The following HEXA variants were observed in gnomAD, a reference collection of about 807,000 sequenced individuals.
HEXA encodes beta-hexosaminidase subunit alpha.
Under a neutral mutation model 73.3 loss-of-function variants are expected in HEXA, and 54 were observed. The observed-to-expected ratio is 0.74, with a 90% CI of 0.59 to 0.92. The LOEUF is 0.92. Among genes scored for constraint, HEXA ranks in the 40% least tolerant of loss-of-function variants. The pLI is 0.00. For synonymous variants in HEXA, 230 were observed against 246.9 expected (o/e 0.93, Z 0.64); for missense variants, 649 against 653.0 (o/e 0.99, Z 0.07).
intron 1 of HEXA, among the ~76,000 whole-genome samples, chr15:72,364,802 T>A (rs796944118): frequency 5.7e-4 from 86 of 152,026 alleles, no homozygotes; most frequent in African/African-American, 2.0e-3. Context: ...TGTATTTCTT[T>A]TTAAGTTTTA....
intron 1 of HEXA, among the ~76,000 whole-genome samples, chr15:72,364,966 C>T (rs561699079): frequency 3.3e-4 from 50 of 151,972 alleles, no homozygotes; most frequent in African/African-American, 8.2e-4. Context: ...AGACTACAAG[C>T]GTGCACCAGC....
At chr15:72,350,700 G>C in intron 6 of HEXA, 50 bp from the exon 7 acceptor site, 2 of 1,611,564 alleles carry the variant, frequency 1.2e-6, no homozygotes, top group South Asian at 1.1e-5. Context: ...AAAGCTAGCA[G>C]AGTAGAAGAT....
In HEXA at chr15:72,375,777, G is replaced by A. The variant is rs1057516957; in HGVS notation, c.196C>T (p.Gln66Ter). 1 of 1,614,246 alleles carries A rather than the reference G, an allele frequency of 6.2e-7. No individual in the cohort carries two copies. The highest frequency in any genetic ancestry group is 8.5e-7 in the Non-Finnish European group (1 of 1,180,038). The change falls in exon 1 of 14, where the codon CAG (glutamine) becomes TAG (stop). Residue 66 changes from glutamine to a stop codon, truncating the protein, a stop_gained. Transcript: ENST00000268097. LOFTEE classifies it high-confidence loss of function. Reference sequence around the variant, plus strand: ...CCGAAAAGCAGGTCACGATAGCGCTGGAAGGCCTCGTCGAGGACTGAGCAG... The same window carrying A: ...CCGAAAAGCAGGTCACGATAGCGCTAGAAGGCCTCGTCGAGGACTGAGCAG... ...PGCSVLDEAFQRYRDLLFGSG... is the reference protein window; with the variant it reads ...PGCSVLDEAF
intron 8 of HEXA, among the ~76,000 whole-genome samples, chr15:72,348,629 G>A (rs535412758): frequency 9.9e-5 from 15 of 152,242 alleles, no homozygotes; most frequent in African/African-American, 3.1e-4. Flanking sequence ...CAGCTCTAGC[G>A]CCCTCTTCTC....
At chr15:72,370,060 T>C (rs2140339488) in intron 1 of HEXA, 1 of 151,048 alleles carries the variant, frequency 6.6e-6, no homozygotes, top group South Asian at 2.1e-4. Context: ...ACTATTTTCT[T>C]GTTATCCTCG....
intron 1 of HEXA, among the ~76,000 whole-genome samples, chr15:72,365,082 G>A (rs2088898589): frequency 6.6e-6 from 1 of 150,588 alleles, no homozygotes. Flanking sequence ...GCATTTACTA[G>A]CCAAATTTTT....
At chr15:72,374,681 T>C (rs1039951074) in intron 1 of HEXA, among the ~76,000 whole-genome samples, 1 of 152,236 alleles carries the variant, frequency 6.6e-6, no homozygotes, top group Non-Finnish European at 1.5e-5. Flanking sequence ...TGTATTCCTT[T>C]ACATTGTTGG....
rs758066266 is a variant in HEXA, at chr15:72,346,317, C to T, written c.1339G>A (p.Glu447Lys). 21 of 1,613,614 alleles carry T rather than the reference C, an allele frequency of 1.3e-5. No individual in the cohort carries two copies. The highest frequency in any genetic ancestry group is 1.7e-5 in the Non-Finnish European group (20 of 1,179,704). The change falls in exon 12 of 14, where the codon GAG becomes AAG. Residue 447 changes from glutamate to lysine, a missense_variant. Coordinates refer to ENST00000268097, the MANE Select transcript of HEXA (RefSeq NM_000520.6). ...VEPLAFEGTP[E>K]QKALVIGGEA... ...CCACCAATCACCAGAGCCTTCTGCT[C>T]AGGGGTACCTGAGGGAAAACAAGCA...
Position 72,343,994 on chromosome 15 carries a change from C to T in HEXA, c.*83G>A. 1 of 1,208,012 alleles carries T rather than the reference C, an allele frequency of 8.3e-7. No homozygotes were observed. The highest frequency in any genetic ancestry group is 1.2e-6 in the Non-Finnish European group (1 of 813,468). 74.8% of individuals were successfully genotyped at this position (1,208,012 alleles called of 1,614,324 possible). ...AGGCAAGGGGCACGAAGGCAAGGGG[C>T]TCCGTCCCCTGGCCAGGATGCAGTG... On this transcript the variant is annotated 3_prime_UTR_variant, in exon 14 of 14. Coordinates refer to ENST00000268097, the MANE Select transcript of HEXA (RefSeq NM_000520.6).
intron 1 of HEXA, among the ~76,000 whole-genome samples, chr15:72,369,600 C>T (rs1233797220): frequency 1.3e-5 from 2 of 152,156 alleles, no homozygotes; most frequent in Non-Finnish European, 2.9e-5. Flanking sequence ...TGCAATGACA[C>T]GATCTCAGCT....
intron 5 of HEXA, 113 bp downstream of exon 5, chr15:72,352,955 C>T: frequency 1.4e-6 from 1 of 730,506 alleles, no homozygotes; most frequent in Non-Finnish European, 2.5e-6. Flanking sequence ...TGAGCCACCA[C>T]ACCCAGTCCA....
chr15:72,358,798 C>T (rs956135758), intron 1 of HEXA: 1 of 152,300 alleles, frequency 6.6e-6, no homozygotes. Flanking sequence ...GCTGGCAAAA[C>T]AGGAGGGACA....
chr15:72,345,841 G>C, intron 12 of HEXA: 1 of 532,596 alleles, frequency 1.9e-6, no homozygotes, highest in Non-Finnish European at 3.4e-6. Flanking sequence ...AGTGGCAGCA[G>C]CAGAGGTCCT....
chr15:72,352,595 T>C (rs1377657335), intron 5 of HEXA, among the ~76,000 whole-genome samples: 1 of 152,158 alleles, frequency 6.6e-6, no homozygotes, highest in African/African-American at 2.4e-5. Context: ...TAAGTCACTC[T>C]GTTATTTTTT....
rs1007888504 is a variant in HEXA, at chr15:72,341,232, C to G, written c.*2845G>C. The G allele has an allele frequency of 6.6e-6, 1 of 152,210 alleles. No individual in the cohort carries two copies. The highest frequency in any genetic ancestry group is 2.4e-5 in the African/African-American group (1 of 41,438). 9.4% of individuals were successfully genotyped at this position (152,210 alleles called of 1,614,324 possible). ...TCAGCTTTCCTCACAGTCTCACTGT[C>G]CCAGAAGTCTAGGGGCAATGACTCT... On this transcript the variant is annotated 3_prime_UTR_variant, in exon 14 of 14. Transcript: ENST00000268097.
In HEXA at chr15:72,346,222, C is replaced by A. The variant is rs375201437; in HGVS notation, c.1421+13G>T. 5 of 1,608,554 alleles carry A rather than the reference C, an allele frequency of 3.1e-6. No homozygotes were observed. The highest frequency in any genetic ancestry group is 1.7e-5 in the Admixed American group (1 of 59,872). ...CAGGCCCAACCCTCCACCTCCCCCC[C>A]GAAAACCCTTACCAGAGCCTGGGGA... On this transcript the variant is annotated intron_variant, in intron 12 of 13. Transcript: ENST00000268097.
intron 1 of HEXA, among the ~76,000 whole-genome samples, chr15:72,367,857 C>T (rs1032637666): frequency 7.5e-4 from 114 of 152,214 alleles, no homozygotes; most frequent in African/African-American, 2.7e-3. Flanking sequence ...TTTAGATCTC[C>T]TTCAACAGCT....
chr15:72,349,136 G>C lies in HEXA; in HGVS notation c.929C>G (p.Ser310Cys). The change falls in exon 8 of 14, where the codon TCT (serine) becomes TGT (cysteine). Residue 310 changes from serine to cysteine, a missense_variant. Transcript: ENST00000268097. ...FMSTFFLEVS[S>C]VFPDFYLHLG... ...ATGAAGATAAAAATCTGGGAAGACA[G>C]AGCTGACTTCTAAGAAGAATGTGCT... 6.2e-7 allele frequency: 1 copy of C among 1,614,056 alleles called. No homozygotes were observed. The highest frequency in any genetic ancestry group is 8.5e-7 in the Non-Finnish European group (1 of 1,179,908).
At chr15:72,375,674 A>T (rs2089054027) in intron 1 of HEXA, 46 bp downstream of exon 1, 1 of 1,611,250 alleles carries the variant, frequency 6.2e-7, no homozygotes, top group Non-Finnish European at 8.5e-7. Context: ...GTCCCCAGGC[A>T]GGCACTCTCA....
Sources: gnomAD v4.1 joint callset for allele counts (sites outside exome capture counted in the v4.1 genomes callset) on GRCh38, gnomAD v4.1.1 for gene constraint, MANE v1.5 for transcripts, NCBI Gene and HGNC (gene_info 2026-07-23, HGNC 2026-07-21) for gene names.